Variants in ZHX1 observed in about 807,000 individuals in gnomAD.
The protein encoded by ZHX1 is zinc fingers and homeoboxes protein 1.
ZHX1 carries 20 observed loss-of-function variants against 61.8 expected under a neutral mutation model. The observed-to-expected ratio is 0.32, with a 90% CI of 0.23 to 0.47. The LOEUF (loss-of-function observed/expected upper bound fraction) is 0.47. Ranked by LOEUF, ZHX1 falls within the 20% of genes least tolerant of loss-of-function variation. The pLI, the probability that ZHX1 is intolerant of heterozygous loss-of-function variation, is 1.00. For missense variants in ZHX1, 800 were observed against 1,034.8 expected (o/e 0.77, Z 3.11); for synonymous variants, 318 against 352.6 (o/e 0.90, Z 1.10).
chr8:123,274,395 G>C (rs1826774018), upstream of ZHX1: 1 of 152,232 alleles, frequency 6.6e-6, no homozygotes, highest in South Asian at 2.1e-4. Flanking sequence ...TCAGGGTGGG[G>C]GTGCGAGGAG....
chr8:123,259,375 TA>T (rs1375769812), intron 2 of ZHX1, among the ~76,000 whole-genome samples: 1 of 152,102 alleles, frequency 6.6e-6, no homozygotes, highest in Non-Finnish European at 1.5e-5. Flanking sequence ...TTTAATCAAA[TA>T]GGGGTTGCCA....
intron 1 of ZHX1, among the ~76,000 whole-genome samples, chr8:123,271,186 G>C (rs974868528): frequency 2.6e-5 from 4 of 152,060 alleles, no homozygotes; most frequent in African/African-American, 9.7e-5. Context: ...AGAAACATTG[G>C]CTCTTATTCT....
At chr8:123,252,554 T>C (rs975018762) in intron 3 of ZHX1, 3 of 152,194 alleles carry the variant, frequency 2.0e-5, no homozygotes, top group African/African-American at 7.2e-5. Context: ...TTTTAAGCAA[T>C]TGGGTTTATA....
rs1826059037 is a variant in ZHX1 at position 123,255,927 on chromosome 8, G to A, written c.20C>T (p.Ser7Leu). Residue 7 changes from serine to leucine, a missense_variant, in exon 3 of 4, where the codon TCA becomes TTA. By Grantham distance (145) the Ser-to-Leu change is moderately radical. Transcript: ENST00000395571. MASRRK[S>L]TTPCMVLASE... Reference sequence around the variant, plus strand: ...GGCAAGGACCATGCAAGGTGTTGTTGATTTTCGCCTGCTTGCCATTCTGAT... The same window carrying A: ...GGCAAGGACCATGCAAGGTGTTGTTAATTTTCGCCTGCTTGCCATTCTGAT... 2.5e-6 allele frequency: 4 copies of A among 1,604,602 alleles called. No individual in the cohort carries two copies. Among genetic ancestry groups the A allele is most frequent in the East Asian group, 4.5e-5 (2 of 44,714 alleles).
In ZHX1 at chr8:123,250,379, TTAC is replaced by T. The variant is rs142987811; in HGVS notation, c.*4-62_*4-60del. The T allele has an allele frequency of 5.8e-3, 2,095 of 361,816 alleles. 46 individuals are homozygous for T. The highest frequency in any genetic ancestry group is 0.042 in the African/African-American group (1,931 of 46,418). The allele number at this position is 361,816 out of a possible 1,614,324, so 22.4% of individuals were successfully genotyped here. ...TTTAAAGAAAACCATATTTTAATTT[TTAC>T]TACTTTTAGAAATAAAAGTGAAAAT... On this transcript the variant is annotated intron_variant, in intron 3 of 3. Transcript: ENST00000395571.
At position 123,254,316 on chromosome 8, in the gene ZHX1, T is replaced by C. The variant is rs1320458356; in HGVS notation, c.1631A>G (p.Asp544Gly). Residue 544 changes from aspartate to glycine, a missense_variant, in exon 3 of 4, where the codon GAT becomes GGT. Coordinates refer to ENST00000395571, the MANE Select transcript of ZHX1 (RefSeq NM_007222.5). The surrounding 1 kb of genome is among the most constrained non-coding windows in gnomAD (Gnocchi z 4.1). ...SSTTIIIDSS[D>G]ETTESPTVGT... ...AACAGTTGGGGATTCCGTGGTTTCA[T>C]CACTGGAGTCTATAATAATGGTGGT... The C allele has an allele frequency of 1.2e-6, 2 of 1,614,170 alleles. No homozygotes were observed. Among genetic ancestry groups the C allele is most frequent in the East Asian group, 2.2e-5 (1 of 44,884 alleles).
chr8:123,273,035 T>C (rs900893126), intron 1 of ZHX1, among the ~76,000 whole-genome samples: 1 of 152,148 alleles, frequency 6.6e-6, no homozygotes, highest in African/African-American at 2.4e-5. Flanking sequence ...ATTCCTGCTC[T>C]GTCCGATATC....
chr8:123,252,750 T>C (rs1221935512), intron 3 of ZHX1: 1 of 152,206 alleles, frequency 6.6e-6, no homozygotes, highest in Non-Finnish European at 1.5e-5. Context: ...ATTTCATAAA[T>C]ACATAAAGCA....
chr8:123,273,164 T>C (rs999524319), intron 1 of ZHX1, among the ~76,000 whole-genome samples: 3 of 152,296 alleles, frequency 2.0e-5, no homozygotes, highest in East Asian at 3.9e-4. Context: ...GGATATCAAA[T>C]GGAATCTTTT....
Position 123,255,281 on chromosome 8 carries a change from T to C in ZHX1, c.666A>G (p.Val222=), listed in dbSNP as rs984351852. 9 of 1,614,086 alleles carry C rather than the reference T, an allele frequency of 5.6e-6. 1 individual carries two copies. The Admixed American group carries it at 1.2e-4, about 21-fold the overall frequency. Residue 222 remains valine, a synonymous_variant, in exon 3 of 4, where the codon GTA becomes GTG. Coordinates refer to ENST00000395571, the MANE Select transcript of ZHX1 (RefSeq NM_007222.5). ...CAGAAGCTGAAGAACTTGGATTTTCTACAATTTCTTCACGGTCTGGTTTGA... is the reference window on the plus strand; with the variant it reads ...CAGAAGCTGAAGAACTTGGATTTTCCACAATTTCTTCACGGTCTGGTTTGA... ...NEIKPDREEI[V]ENPSSSASES... is the part of the protein sequence containing the mutation.
intron 2 of ZHX1, among the ~76,000 whole-genome samples, chr8:123,258,977 T>C (rs1255313097): frequency 1.3e-5 from 2 of 152,188 alleles, no homozygotes; most frequent in Non-Finnish European, 2.9e-5. Flanking sequence ...TCAAAAATTA[T>C]TAAGCAAAAC....
intron 2 of ZHX1, among the ~76,000 whole-genome samples, chr8:123,260,606 A>C (rs553848950): frequency 3.8e-4 from 57 of 151,574 alleles, no homozygotes; most frequent in Non-Finnish European, 6.9e-4. Context: ...TCAAAAAAAA[A>C]ACAAAAAACA....
chr8:123,268,357 T>A (rs572785612), intron 1 of ZHX1, among the ~76,000 whole-genome samples: 2 of 152,302 alleles, frequency 1.3e-5, no homozygotes, highest in Admixed American at 1.3e-4. Context: ...TCTCTGAAAA[T>A]TCAATTACTG....
rs1563814971 is a variant in ZHX1, at chr8:123,267,396, A to G, written c.-339-10T>C. ...AGCAGTCTGTCTTCTCCTACAAAAA[A>G]GTCATATTTTATTATTCTAGATATA... is the stretch of plus-strand genomic sequence containing the variant. On this transcript the variant is annotated splice_polypyrimidine_tract_variant and intron_variant, in intron 1 of 3. Transcript: ENST00000395571. 1.1e-6 allele frequency: 1 copy of G among 878,802 alleles called. No individual in the cohort carries two copies. Among genetic ancestry groups the G allele is most frequent in the Non-Finnish European group, 1.6e-6 (1 of 624,920 alleles). The allele number at this position is 878,802 out of a possible 1,614,324, so 54.4% of individuals were successfully genotyped here. A position where few individuals can be genotyped will look rare whatever the true frequency, so the allele number is the denominator to read the frequency against.
rs1168282930 is a variant in ZHX1, at chr8:123,253,820, C to T, written c.2127G>A (p.Gly709=). The T allele has an allele frequency of 1.2e-6, 2 of 1,614,164 alleles. No individual in the cohort carries two copies. Among genetic ancestry groups the T allele is most frequent in the Non-Finnish European group, 1.7e-6 (2 of 1,180,022 alleles). ...CATTCTTCCAAGCATAACGGGTGTC[C>T]CCAAACCAACTAACTATGTCTGTTC... ...LARTDIVSWF[G]DTRYAWKNGN... The change falls in exon 3 of 4, where the codon GGG becomes GGA. Residue 709 remains glycine (G), a synonymous_variant. Coordinates refer to ENST00000395571, the MANE Select transcript of ZHX1 (RefSeq NM_007222.5).
chr8:123,255,645 G>C lies in ZHX1; in HGVS notation c.302C>G (p.Ser101Cys), dbSNP rs763739765. The C allele has an allele frequency of 3.7e-6, 6 of 1,613,778 alleles. No individual in the cohort carries two copies. The highest frequency in any genetic ancestry group is 5.1e-6 in the Non-Finnish European group (6 of 1,180,008). The change falls in exon 3 of 4, where the codon TCC becomes TGC. Residue 101 changes from serine (S) to cysteine (C), a missense_variant. Transcript: ENST00000395571. The part of the protein sequence containing the change: ...SEHPNVVLNS[S>C]YVCVECNFLT... ...AAAATTGCATTCGACACAAACATAG[G>C]ATGAATTTAGCACTACATTGGGATG...
intron 1 of ZHX1, among the ~76,000 whole-genome samples, chr8:123,272,859 T>C (rs1323847107): frequency 6.6e-6 from 1 of 152,230 alleles, no homozygotes; most frequent in Non-Finnish European, 1.5e-5. Flanking sequence ...TTCCTTTTTC[T>C]GCTATCACAT....
At chr8:123,272,114 A>T (rs1699094398) in intron 1 of ZHX1, among the ~76,000 whole-genome samples, 1 of 152,278 alleles carries the variant, frequency 6.6e-6, no homozygotes, top group Non-Finnish European at 1.5e-5. Context: ...TTTGAACTGT[A>T]TCTTTAAAAC....
At chr8:123,271,026 G>C (rs1249853148) in intron 1 of ZHX1, among the ~76,000 whole-genome samples, 1 of 152,046 alleles carries the variant, frequency 6.6e-6, no homozygotes, top group African/African-American at 2.4e-5. Flanking sequence ...AGAATATCCT[G>C]TATAAAATGC....
Sources: allele counts gnomAD v4.1 joint callset (sites outside exome capture counted in the v4.1 genomes callset), GRCh38; gene constraint gnomAD v4.1.1; non-coding constraint Gnocchi (gnomAD v3.1); transcripts MANE v1.5; gene names NCBI Gene and HGNC (gene_info 2026-07-23, HGNC 2026-07-21).